DPYSL4: variants seen among roughly 807,000 people sequenced by gnomAD.
The protein encoded by DPYSL4 is dihydropyrimidinase like 4, also known as dihydropyrimidinase-related protein 4.
In DPYSL4, 43 loss-of-function variants were observed where a neutral mutation model predicts 63.4. The ratio of observed to expected loss-of-function variants is 0.68; its 90% CI spans 0.53 to 0.88. DPYSL4 has a LOEUF of 0.88. Among genes scored for constraint, DPYSL4 ranks in the 40% least tolerant of loss-of-function variants. The pLI is 0.00. For synonymous variants in DPYSL4, 353 were observed against 331.7 expected (o/e 1.06, Z -0.70); for missense variants, 733 against 819.5 (o/e 0.89, Z 1.29).
At chr10:132,204,580 C>T (rs571633277) in intron 13 of DPYSL4, among the ~76,000 whole-genome samples, 27 of 152,226 alleles carry the variant, frequency 1.8e-4, no homozygotes, top group Non-Finnish European at 3.1e-4. Context: ...GGGTTCCTCT[C>T]GGGACAGGAA....
In DPYSL4 at chr10:132,204,982, G is replaced by T; in HGVS notation, c.*52G>T. ...TGCTGGCCCCACCCGAGGCCGCGGG[G>T]GCCCCAGGGCACTCGCCCCCCTCCT... is the stretch of plus-strand genomic sequence containing the variant. On this transcript the variant is annotated 3_prime_UTR_variant, in exon 14 of 14. Transcript: ENST00000338492. 1.4e-6 allele frequency: 2 copies of T among 1,463,588 alleles called. No individual in the cohort carries two copies. Among genetic ancestry groups the T allele is most frequent in the Non-Finnish European group, 1.9e-6 (2 of 1,079,008 alleles). 90.7% of individuals were successfully genotyped at this position (1,463,588 alleles called of 1,614,324 possible). A position where few individuals can be genotyped will look rare whatever the true frequency, so the allele number is the denominator to read the frequency against.
At chr10:132,187,369 G>GCCC (rs1565035209) in intron 1 of DPYSL4, among the ~76,000 whole-genome samples, 5 of 9,654 alleles carry the variant, frequency 5.2e-4, no homozygotes, top group Non-Finnish European at 1.2e-3. Context: ...GGGCCCTGCC[G>GCCC]GGCCCTGCCC....
Position 132,202,714 on chromosome 10 carries a change from C to T in DPYSL4, c.1350C>T (p.Gly450=). Residue 450 remains glycine, a synonymous_variant, in exon 12 of 14, where the codon GGC becomes GGT. Transcript: ENST00000338492. ...RGAPAVVISQ[G]RVALEDGKMF... is the part of the protein sequence containing the mutation. ...CGCCTGCCGTGGTCATAAGTCAGGG[C>T]CGAGTGGCGCTGGAGGACGGGAAGA... The T allele has an allele frequency of 6.2e-7, 1 of 1,613,130 alleles. No homozygotes were observed. Among genetic ancestry groups the T allele is most frequent in the African/African-American group, 1.3e-5 (1 of 75,002 alleles).
chr10:132,201,744 C>A (rs909252362), intron 10 of DPYSL4, among the ~76,000 whole-genome samples: 1 of 152,126 alleles, frequency 6.6e-6, no homozygotes. Flanking sequence ...GGGGTCCCAG[C>A]GGTCCAGCAT....
rs1035800135 is a variant in DPYSL4, at chr10:132,203,332, C to T, written c.1462-430C>T. ...TTACTGTGGTGACGCCACGCTTGCC[C>T]GGCATCATCCGTGTCTGACGGTGCA... On this transcript the variant is annotated intron_variant, in intron 12 of 13. Transcript: ENST00000338492. Among the ~76,000 whole-genome samples, 5 of 152,110 alleles carry T rather than the reference C, an allele frequency of 3.3e-5. 1 individual carries two copies. The South Asian group carries it at 6.2e-4, about 19-fold the overall frequency.
intron 10 of DPYSL4, among the ~76,000 whole-genome samples, chr10:132,201,304 C>T (rs1396434408): frequency 6.6e-6 from 1 of 152,112 alleles, no homozygotes; most frequent in Non-Finnish European, 1.5e-5. Context: ...CCGCGATGCC[C>T]TCACGACCCG....
intron 2 of DPYSL4, 29 bp downstream of exon 2, chr10:132,190,864 T>C: frequency 6.2e-7 from 1 of 1,606,888 alleles, no homozygotes; most frequent in South Asian, 1.1e-5. Context: ...TGAAAATACG[T>C]TCCCAGCTCG....
At chr10:132,201,343 C>T (rs1435922238) in intron 10 of DPYSL4, among the ~76,000 whole-genome samples, 2 of 152,174 alleles carry the variant, frequency 1.3e-5, no homozygotes, top group East Asian at 3.9e-4. Context: ...TGCGCCCTCC[C>T]GCATCCTCAG....
rs759599378 is a variant in DPYSL4 at position 132,187,018 on chromosome 10, C to CCCGCCCCCGCTTGTG, written c.-38_-24dup. 1.4e-5 allele frequency: 4 copies of CCCGCCCCCGCTTGTG among 283,242 alleles called. No individual in the cohort carries two copies. The allele number at this position is 283,242 out of a possible 1,614,324, so 17.5% of individuals were successfully genotyped here. ...GTCCCCCCGCCCGCCCGCCCGCCCG[C>CCCGCCCCCGCTTGTG]CCGCCCCCGCTTGTGCCGCCCCTAC... On this transcript the variant is annotated 5_prime_UTR_variant, in exon 1 of 14. Coordinates refer to ENST00000338492, the MANE Select transcript of DPYSL4 (RefSeq NM_006426.3).
intron 11 of DPYSL4, 72 bp downstream of exon 11, chr10:132,202,188 A>G (rs2062027337): frequency 1.9e-6 from 3 of 1,556,104 alleles, no homozygotes; most frequent in Admixed American, 3.6e-5. Context: ...TTCCCAGGAG[A>G]GGCGCAGGAC....
intron 4 of DPYSL4, 83 bp downstream of exon 4, chr10:132,195,092 T>G (rs2061925999): frequency 6.8e-7 from 1 of 1,471,514 alleles, no homozygotes; most frequent in Non-Finnish European, 9.1e-7. Context: ...CTGCCGATGG[T>G]GCTGCTCTGC....
chr10:132,193,302 G>A (rs1488808898), intron 3 of DPYSL4, among the ~76,000 whole-genome samples: 1 of 152,216 alleles, frequency 6.6e-6, no homozygotes, highest in Non-Finnish European at 1.5e-5. Context: ...AAAGATAAAA[G>A]CAATGCTCAT....
At position 132,197,074 on chromosome 10, in the gene DPYSL4, C is replaced by T. The variant is rs576572608; in HGVS notation, c.594C>T (p.His198=). ...IRDLGALAQV[H]AENGDIVEEE... The stretch of plus-strand genomic sequence containing the variant: ...ACCTGGGGGCCTTGGCCCAGGTGCA[C>T]GCTGAGAACGGGGACATCGTGGAGG... Residue 198 remains histidine, a synonymous_variant, in exon 6 of 14, where the codon CAC becomes CAT. Coordinates refer to ENST00000338492, the MANE Select transcript of DPYSL4 (RefSeq NM_006426.3). The T allele has an allele frequency of 6.1e-5, 94 of 1,551,590 alleles. No homozygotes were observed. Among genetic ancestry groups the T allele is most frequent in the African/African-American group, 8.1e-5 (6 of 73,784 alleles).
intron 11 of DPYSL4, among the ~76,000 whole-genome samples, chr10:132,202,391 G>A (rs2062030292): frequency 1.3e-5 from 2 of 152,256 alleles, no homozygotes; most frequent in South Asian, 4.1e-4. Flanking sequence ...CAAGGGAGAA[G>A]TGACCCTCCC....
intron 1 of DPYSL4, among the ~76,000 whole-genome samples, chr10:132,189,701 G>T (rs2061849137): frequency 6.6e-6 from 1 of 152,080 alleles, no homozygotes; most frequent in African/African-American, 2.4e-5. Flanking sequence ...CCTTCCCATA[G>T]TCCTGTCCCA....
chr10:132,187,488 G>T (rs1023824914), intron 1 of DPYSL4, among the ~76,000 whole-genome samples: 1 of 152,058 alleles, frequency 6.6e-6, no homozygotes, highest in Non-Finnish European at 1.5e-5. Context: ...CTCCCACGGC[G>T]GTCGGGTGGC....
At chr10:132,198,286 C>A in intron 6 of DPYSL4, 129 bp from the exon 7 acceptor site, 1 of 788,222 alleles carries the variant, frequency 1.3e-6, no homozygotes, top group Non-Finnish European at 2.0e-6. Flanking sequence ...TGTTCTGTGG[C>A]TGGGAAATTC....
At chr10:132,204,707 G>C in intron 13 of DPYSL4, 132 bp from the exon 14 acceptor site, 1 of 675,442 alleles carries the variant, frequency 1.5e-6, no homozygotes, top group East Asian at 3.0e-5. Flanking sequence ...TGGCCTTCTG[G>C]TGGTGGCAGG....
Position 132,202,160 on chromosome 10 carries a change from C to T in DPYSL4, c.1281+44C>T, listed in dbSNP as rs376422290. 94 of 1,587,318 alleles carry T rather than the reference C, an allele frequency of 5.9e-5. No individual in the cohort carries two copies. In the African/African-American group the frequency reaches 1.0e-3, roughly 17 times the overall value. On this transcript the variant is annotated intron_variant, in intron 11 of 13. Transcript: ENST00000338492. ...AAGTCAGGGTTGGCCTTTGTGGGGC[C>T]GGGACCCCAGGGCAGCCTTCCCAGG...
Sources: gnomAD v4.1 joint callset for allele counts (sites outside exome capture counted in the v4.1 genomes callset) on GRCh38, gnomAD v4.1.1 for gene constraint, MANE v1.5 for transcripts, NCBI Gene and HGNC (gene_info 2026-07-23, HGNC 2026-07-21) for gene names.